The following DENND5A variants were observed in gnomAD, a reference collection of about 807,000 sequenced individuals.
DENND5A encodes DENN domain containing 5A.
DENND5A carries 64 observed loss-of-function variants against 140.3 expected under a neutral mutation model. That is an observed-to-expected ratio of 0.46 (90% CI 0.37 to 0.56). DENND5A has a LOEUF of 0.56. Ranked by LOEUF, DENND5A falls within the 20% of genes least tolerant of loss-of-function variation. The pLI is 0.00. For missense variants in DENND5A, 1,292 were observed against 1,593.8 expected (o/e 0.81, Z 3.22); for synonymous variants, 605 against 607.7 (o/e 1.00, Z 0.07).
intron 5 of DENND5A, among the ~76,000 whole-genome samples, chr11:9,187,817 A>G (rs188630868): frequency 9.2e-5 from 14 of 152,354 alleles, no homozygotes; most frequent in Non-Finnish European, 1.9e-4. Flanking sequence ...TCACTTGCTC[A>G]GGGCCAGCTG....
chr11:9,232,202 T>C (rs1228489640), intron 1 of DENND5A, among the ~76,000 whole-genome samples: 1 of 152,024 alleles, frequency 6.6e-6, no homozygotes, highest in African/African-American at 2.4e-5. Context: ...AGATATAAAA[T>C]GCACTAAACA....
intron 1 of DENND5A, among the ~76,000 whole-genome samples, chr11:9,249,529 T>C (rs1851624838): frequency 6.6e-6 from 1 of 152,020 alleles, no homozygotes; most frequent in Non-Finnish European, 1.5e-5. Context: ...CTCATTTTTA[T>C]ATTTTTTTAT....
chr11:9,234,588 G>GT (rs1169600736), intron 1 of DENND5A, among the ~76,000 whole-genome samples: 2 of 152,214 alleles, frequency 1.3e-5, no homozygotes, highest in African/African-American at 4.8e-5. Flanking sequence ...ACTGTGACAT[G>GT]TTCGCGATGG....
chr11:9,172,615 T>C (rs945324725), intron 8 of DENND5A, among the ~76,000 whole-genome samples: 4 of 152,176 alleles, frequency 2.6e-5, no homozygotes, highest in African/African-American at 9.7e-5. Flanking sequence ...TTTGCCCTCC[T>C]GGTACTCATT....
intron 1 of DENND5A, chr11:9,242,356 T>C (rs1287635598): frequency 1.3e-5 from 2 of 152,236 alleles, no homozygotes; most frequent in African/African-American, 4.8e-5. Flanking sequence ...CTCTCAATTA[T>C]AAACATACCT....
chr11:9,251,042 G>A (rs1484511160), intron 1 of DENND5A, among the ~76,000 whole-genome samples: 1 of 151,620 alleles, frequency 6.6e-6, no homozygotes, highest in African/African-American at 2.4e-5. Context: ...GGCTGAGGCA[G>A]GAGAATCGCT....
intron 1 of DENND5A, among the ~76,000 whole-genome samples, chr11:9,263,046 C>T (rs7940872): frequency 0.21 from 31,328 of 151,476 alleles, 3,379 homozygotes; most frequent in African/African-American, 0.25. Context: ...CGGCCTAAAA[C>T]TAAAATTTTT....
intron 1 of DENND5A, among the ~76,000 whole-genome samples, chr11:9,210,767 A>C (rs1474404655): frequency 6.6e-6 from 1 of 152,210 alleles, no homozygotes; most frequent in Admixed American, 6.5e-5. Context: ...TCCTGGGCTT[A>C]CGCAATCCTC....
rs190955949 is a variant in DENND5A, at chr11:9,161,161, C to A, written c.2284-296G>T. ...AGGAGATCGAGACCATCCTGGCTAACACGGTGAAACCCCGTCTCTATTAAA... is the reference window on the plus strand; with the variant it reads ...AGGAGATCGAGACCATCCTGGCTAAAACGGTGAAACCCCGTCTCTATTAAA... On this transcript the variant is annotated intron_variant, in intron 11 of 22. Transcript: ENST00000328194. Among the ~76,000 whole-genome samples, 8 of 152,260 alleles carry A rather than the reference C, an allele frequency of 5.3e-5. No individual in the cohort carries two copies. In the East Asian group the frequency reaches 1.5e-3, roughly 29 times the overall value.
intron 15 of DENND5A, among the ~76,000 whole-genome samples, chr11:9,147,457 T>C (rs1480302420): frequency 6.6e-6 from 1 of 152,182 alleles, no homozygotes; most frequent in African/African-American, 2.4e-5. Context: ...GGAATGAAAT[T>C]CCATCAAGGA....
intron 1 of DENND5A, among the ~76,000 whole-genome samples, chr11:9,251,563 C>T (rs1851721068): frequency 6.6e-6 from 1 of 152,194 alleles, no homozygotes; most frequent in South Asian, 2.1e-4. Flanking sequence ...CACACACTCT[C>T]ATTTTCTGCC....
At chr11:9,181,541 G>A (rs991059373) in intron 5 of DENND5A, among the ~76,000 whole-genome samples, 1 of 151,900 alleles carries the variant, frequency 6.6e-6, no homozygotes, top group Non-Finnish European at 1.5e-5. Context: ...TGCCCAGACT[G>A]GTCTGGGCAA....
chr11:9,227,729 G>A (rs1850589783), intron 1 of DENND5A, among the ~76,000 whole-genome samples: 1 of 151,898 alleles, frequency 6.6e-6, no homozygotes, highest in Non-Finnish European at 1.5e-5. Context: ...AGGCCAAGAT[G>A]GGAGGATCAC....
chr11:9,193,745 C>A (rs889140860), intron 4 of DENND5A, 64 bp from the exon 5 acceptor site: 8 of 1,374,262 alleles, frequency 5.8e-6, no homozygotes, highest in Non-Finnish European at 8.0e-6. Flanking sequence ...ACTTGCTTTC[C>A]AAACAGTAAG....
At position 9,265,103 on chromosome 11, in the gene DENND5A, A is replaced by C; in HGVS notation, c.-34T>G. 8.2e-7 allele frequency: 1 copy of C among 1,220,418 alleles called. No homozygotes were observed. 75.6% of individuals were successfully genotyped at this position (1,220,418 alleles called of 1,614,324 possible). Reference sequence around the variant, plus strand: ...GGCCGAGACCGGCCGGGCAGTGCGGAGCGGCACCGAGCCCCCGCAACCCGG... The same window carrying C: ...GGCCGAGACCGGCCGGGCAGTGCGGCGCGGCACCGAGCCCCCGCAACCCGG... On this transcript the variant is annotated 5_prime_UTR_variant, in exon 1 of 23. Transcript: ENST00000328194. The surrounding 1 kb of genome is among the most constrained non-coding windows in gnomAD (Gnocchi z 4.7).
chr11:9,139,949 G>T, intron 22 of DENND5A, 95 bp from the exon 23 acceptor site: 1 of 1,289,978 alleles, frequency 7.8e-7, no homozygotes, highest in Non-Finnish European at 1.1e-6. Context: ...CATGAACTAA[G>T]TCTGAAGCTG....
At chr11:9,214,243 C>T (rs1007261218) in intron 1 of DENND5A, among the ~76,000 whole-genome samples, 11 of 152,172 alleles carry the variant, frequency 7.2e-5, no homozygotes, top group Non-Finnish European at 1.5e-4. Context: ...GTTTTGTCTT[C>T]AACTCTCTGG....
intron 1 of DENND5A, among the ~76,000 whole-genome samples, chr11:9,209,251 C>G (rs927206052): frequency 5.3e-5 from 8 of 152,152 alleles, no homozygotes; most frequent in African/African-American, 1.9e-4. Flanking sequence ...CATAACCACC[C>G]TAAATGCGCC....
At chr11:9,150,592 C>A in intron 14 of DENND5A, 88 bp downstream of exon 14, 1 of 843,012 alleles carries the variant, frequency 1.2e-6, no homozygotes, top group Non-Finnish European at 1.9e-6. Context: ...CTGTAGCAGC[C>A]ACTGAGACCT....
Sources: allele counts gnomAD v4.1 joint callset (sites outside exome capture counted in the v4.1 genomes callset), GRCh38; gene constraint gnomAD v4.1.1; non-coding constraint Gnocchi (gnomAD v3.1); transcripts MANE v1.5; gene names NCBI Gene and HGNC (gene_info 2026-07-23, HGNC 2026-07-21).